RUNDC3B: variants seen among roughly 807,000 people sequenced by gnomAD.
The protein encoded by RUNDC3B is RUN domain-containing protein 3B.
In RUNDC3B, 33 loss-of-function variants were observed where a neutral mutation model predicts 58.4. The ratio of observed to expected loss-of-function variants is 0.56; its 90% CI spans 0.43 to 0.75. The LOEUF is 0.75. Ranked by LOEUF, RUNDC3B falls within the 30% of genes least tolerant of loss-of-function variation. The pLI is 0.00. For missense variants in RUNDC3B, 501 were observed against 535.7 expected (o/e 0.94, Z 0.64); for synonymous variants, 193 against 195.2 (o/e 0.99, Z 0.10).
chr7:87,763,549 G>T lies in RUNDC3B; in HGVS notation c.630-7032G>T, dbSNP rs192229855. Among the ~76,000 whole-genome samples, 6 of 151,510 alleles carry T rather than the reference G, an allele frequency of 4.0e-5. No homozygotes were observed. The East Asian group carries it at 7.7e-4, about 20-fold the overall frequency. On this transcript the variant is annotated intron_variant, in intron 6 of 10. Coordinates refer to ENST00000394654, the MANE Select transcript of RUNDC3B (RefSeq NM_001134405.2). ...GGATATGTGTCCTTGTATGACAGGG[G>T]TTTTTTAGTATTTTGAAAATATTTA... is the stretch of plus-strand genomic sequence containing the variant.
At chr7:87,768,991 A>G (rs1584154874) in intron 6 of RUNDC3B, among the ~76,000 whole-genome samples, 1 of 151,536 alleles carries the variant, frequency 6.6e-6, no homozygotes, top group Non-Finnish European at 1.5e-5. Context: ...ATCACTCATT[A>G]TTGTCCAACC....
chr7:87,702,513 C>T (rs940095416), intron 3 of RUNDC3B, among the ~76,000 whole-genome samples: 1 of 152,076 alleles, frequency 6.6e-6, no homozygotes, highest in Non-Finnish European at 1.5e-5. Context: ...ATCCTGGCTT[C>T]GAGCAGTCTT....
At chr7:87,748,889 A>G (rs529029097) in intron 6 of RUNDC3B, among the ~76,000 whole-genome samples, 1 of 152,328 alleles carries the variant, frequency 6.6e-6, no homozygotes, top group Non-Finnish European at 1.5e-5. Flanking sequence ...AAAAGGGACA[A>G]TTGTAGTACA....
chr7:87,815,502 G>A (rs1446979135), intron 9 of RUNDC3B, among the ~76,000 whole-genome samples: 1 of 152,010 alleles, frequency 6.6e-6, no homozygotes, highest in Non-Finnish European at 1.5e-5. Context: ...CTTTCCATTT[G>A]TAACTGAATT....
intron 6 of RUNDC3B, among the ~76,000 whole-genome samples, chr7:87,763,077 A>G (rs1833786218): frequency 6.6e-6 from 1 of 151,422 alleles, no homozygotes; most frequent in African/African-American, 2.4e-5. Flanking sequence ...TACCAGTTTA[A>G]AAGTTATGCA....
chr7:87,704,139 T>G (rs1829386752), intron 3 of RUNDC3B, among the ~76,000 whole-genome samples: 2 of 152,198 alleles, frequency 1.3e-5, no homozygotes, highest in South Asian at 4.2e-4. Context: ...CAGGCTGGTC[T>G]CGAACTCCTG....
chr7:87,707,914 A>G (rs1282983506), intron 3 of RUNDC3B, among the ~76,000 whole-genome samples: 1 of 152,100 alleles, frequency 6.6e-6, no homozygotes, highest in African/African-American at 2.4e-5. Flanking sequence ...ACTGAGGAGA[A>G]CTTCTAAATA....
intron 1 of RUNDC3B, 65 bp from the exon 2 acceptor site, chr7:87,650,757 A>G (rs2130371782): frequency 2.0e-6 from 2 of 985,080 alleles, no homozygotes; most frequent in Non-Finnish European, 3.2e-6. Flanking sequence ...CCTTCCTCCC[A>G]TTTTTTTCAT....
chr7:87,658,686 A>G (rs1824378813), intron 2 of RUNDC3B, among the ~76,000 whole-genome samples: 1 of 152,214 alleles, frequency 6.6e-6, no homozygotes, highest in African/African-American at 2.4e-5. Flanking sequence ...TAGATTTCTG[A>G]TCAGAAACCA....
intron 6 of RUNDC3B, among the ~76,000 whole-genome samples, chr7:87,747,982 C>T (rs1832744623): frequency 6.6e-6 from 1 of 152,172 alleles, no homozygotes; most frequent in Non-Finnish European, 1.5e-5. Context: ...CGCTCTTCCC[C>T]GAGTTCTGGC....
intron 7 of RUNDC3B, among the ~76,000 whole-genome samples, chr7:87,772,764 A>C (rs1232156060): frequency 6.6e-6 from 1 of 152,200 alleles, no homozygotes; most frequent in Non-Finnish European, 1.5e-5. Context: ...TAACCAGAAG[A>C]GTCAACACCA....
At chr7:87,773,440 GAATA>G (rs2130875001) in intron 7 of RUNDC3B, among the ~76,000 whole-genome samples, 1 of 151,138 alleles carries the variant, frequency 6.6e-6, no homozygotes, top group South Asian at 2.1e-4. Context: ...TAAATGTCCA[GAATA>G]AATTGGTAAT....
At chr7:87,739,377 A>G (rs1429537840) in intron 4 of RUNDC3B, among the ~76,000 whole-genome samples, 1 of 152,022 alleles carries the variant, frequency 6.6e-6, no homozygotes, top group Non-Finnish European at 1.5e-5. Context: ...ATTTTATCTT[A>G]TTTATTAGAA....
chr7:87,737,348 A>G (rs1257547286), intron 4 of RUNDC3B, among the ~76,000 whole-genome samples: 2 of 152,114 alleles, frequency 1.3e-5, no homozygotes, highest in African/African-American at 2.4e-5. Flanking sequence ...TTAATGTTCC[A>G]ATTTTTCAAT....
chr7:87,776,585 A>G (rs960833102), intron 7 of RUNDC3B, among the ~76,000 whole-genome samples: 3 of 152,028 alleles, frequency 2.0e-5, no homozygotes, highest in Admixed American at 6.6e-5. Context: ...CATTATATTG[A>G]CTTTTAAAGT....
chr7:87,672,228 C>T (rs550788975), intron 2 of RUNDC3B, among the ~76,000 whole-genome samples: 1 of 152,298 alleles, frequency 6.6e-6, no homozygotes, highest in Non-Finnish European at 1.5e-5. Flanking sequence ...ATAGGAGGAA[C>T]AGGATCAGGT....
In RUNDC3B at chr7:87,710,475, T is replaced by C. The variant is rs1420958212; in HGVS notation, c.373-95T>C. The C allele has an allele frequency of 5.9e-6, 4 of 680,242 alleles. No homozygotes were observed. In the Admixed American group the frequency reaches 1.2e-4, roughly 20 times the overall value. The allele number at this position is 680,242 out of a possible 1,614,324, so 42.1% of individuals were successfully genotyped here. A position where few individuals can be genotyped will look rare whatever the true frequency, so the allele number is the denominator to read the frequency against. On this transcript the variant is annotated intron_variant, in intron 3 of 10. Transcript: ENST00000394654. Reference sequence around the variant, plus strand: ...GTCGTTATCAAATGTATATTTTGAATGGCTGTTCTTTACATATTAAAATAT... The same window carrying C: ...GTCGTTATCAAATGTATATTTTGAACGGCTGTTCTTTACATATTAAAATAT...
intron 4 of RUNDC3B, among the ~76,000 whole-genome samples, chr7:87,715,340 T>A (rs866486768): frequency 8.5e-6 from 1 of 117,710 alleles, no homozygotes; most frequent in African/African-American, 3.6e-5. Context: ...TATAATTAAT[T>A]TATAATAATT....
chr7:87,751,978 T>C (rs1176078746), intron 6 of RUNDC3B, among the ~76,000 whole-genome samples: 1 of 152,186 alleles, frequency 6.6e-6, no homozygotes, highest in Admixed American at 6.5e-5. Context: ...TGCTTCCAGT[T>C]TTTGCCCATT....
Sources: allele counts gnomAD v4.1 joint callset (sites outside exome capture counted in the v4.1 genomes callset), GRCh38; gene constraint gnomAD v4.1.1; transcripts MANE v1.5; gene names NCBI Gene and HGNC (gene_info 2026-07-23, HGNC 2026-07-21).